KLHDC10: variants seen among roughly 807,000 people sequenced by gnomAD.
The protein encoded by KLHDC10 is kelch domain-containing protein 10.
In KLHDC10, 24 loss-of-function variants were observed where a neutral mutation model predicts 56.1. That is an observed-to-expected ratio of 0.43 (90% CI 0.31 to 0.60). The LOEUF (loss-of-function observed/expected upper bound fraction) is 0.60, where lower values mean the gene tolerates loss of function less well. KLHDC10 is among the 20% of genes least tolerant of loss of function. KLHDC10 has a pLI of 0.11. For synonymous variants in KLHDC10, 188 were observed against 207.1 expected, an observed-to-expected ratio of 0.91 and a Z score of 0.79; for missense variants, 349 against 567.0, an observed-to-expected ratio of 0.62 and a Z score of 3.91.
At chr7:130,074,189 C>T (rs566086174) in intron 1 of KLHDC10, among the ~76,000 whole-genome samples, 1 of 152,300 alleles carries the variant, frequency 6.6e-6, no homozygotes, top group African/African-American at 2.4e-5. Context: ...GCCCCAGGTC[C>T]ATTGCACAAG....
At chr7:130,091,695 T>C (rs1401746074) in intron 1 of KLHDC10, among the ~76,000 whole-genome samples, 1 of 152,198 alleles carries the variant, frequency 6.6e-6, no homozygotes, top group East Asian at 1.9e-4. Flanking sequence ...TTCCTGTTGA[T>C]AGCATCTGAG....
At chr7:130,079,036 A>G (rs896782007) in intron 1 of KLHDC10, among the ~76,000 whole-genome samples, 3 of 151,686 alleles carry the variant, frequency 2.0e-5, no homozygotes, top group Middle Eastern at 3.2e-3. Context: ...GTTTTTTTAA[A>G]GTTTTTGTTT....
Position 130,096,935 on chromosome 7 carries a change from C to G in KLHDC10, c.181C>G (p.Arg61Gly). 1.2e-6 allele frequency: 2 copies of G among 1,610,298 alleles called. No individual in the cohort carries two copies. Among genetic ancestry groups the G allele is most frequent in the Non-Finnish European group, 1.7e-6 (2 of 1,177,360 alleles). The change falls in exon 2 of 10, where the codon CGA (arginine) becomes GGA (glycine). Residue 61 changes from arginine (R) to glycine (G), a missense_variant. Arg to Gly is a moderately radical substitution (Grantham distance 125). Around this residue, in one of 2 missense-constraint regions of KLHDC10, gnomAD observed 104 missense variants for 97.0 expected, o/e 1.07. Transcript: ENST00000335420. The part of the protein sequence containing the change: ...RPHLPGKKKI[R>G]WDPVRRRFIQ... ...TGTGGTAACAGGTAAGAAGAAAATACGATGGGACCCAGTTAGGAGGCGCTT... is the reference window on the plus strand; with the variant it reads ...TGTGGTAACAGGTAAGAAGAAAATAGGATGGGACCCAGTTAGGAGGCGCTT...
intron 1 of KLHDC10, among the ~76,000 whole-genome samples, chr7:130,087,726 A>ACATACAC (rs1353519041): frequency 2.0e-5 from 3 of 152,074 alleles, no homozygotes; most frequent in African/African-American, 7.2e-5. Context: ...TAAAACACAC[A>ACATACAC]CATACACACA....
At chr7:130,122,706 A>G (rs1796264117) in intron 5 of KLHDC10, among the ~76,000 whole-genome samples, 1 of 152,166 alleles carries the variant, frequency 6.6e-6, no homozygotes, top group Admixed American at 6.5e-5. Flanking sequence ...GGCATGTGCC[A>G]CCACGTCTGG....
chr7:130,118,867 A>AT (rs1188907622), intron 3 of KLHDC10, among the ~76,000 whole-genome samples: 2 of 152,284 alleles, frequency 1.3e-5, no homozygotes, highest in East Asian at 3.9e-4. Context: ...TCACTGTTTT[A>AT]TATGGGCGTG....
chr7:130,072,053 A>G (rs976151236), intron 1 of KLHDC10, among the ~76,000 whole-genome samples: 8 of 152,210 alleles, frequency 5.3e-5, no homozygotes, highest in African/African-American at 1.9e-4. Flanking sequence ...TGAGACGTTA[A>G]TATCAGACTG....
At position 130,128,875 on chromosome 7, in the gene KLHDC10, TAAAA is replaced by T. The variant is rs1164826285; in HGVS notation, c.980-550_980-547del. ...GGTAATATAGTGAGACCTTGTCTCT[TAAAA>T]AAAAAAAAAAATATATATATATATA... On this transcript the variant is annotated intron_variant, in intron 8 of 9. Coordinates refer to ENST00000335420, the MANE Select transcript of KLHDC10 (RefSeq NM_014997.4). Among the ~76,000 whole-genome samples the T allele has an allele frequency of 2.1e-4, 9 of 42,330 alleles. 1 individual carries two copies. Among genetic ancestry groups the T allele is most frequent in the African/African-American group, 1.3e-3 (9 of 6,882 alleles). The allele number at this position is 42,330 out of a possible 152,430, so 27.8% of individuals were successfully genotyped here.
At chr7:130,101,288 CA>C (rs768881748) in intron 2 of KLHDC10, among the ~76,000 whole-genome samples, 6 of 152,046 alleles carry the variant, frequency 3.9e-5, no homozygotes, top group Non-Finnish European at 5.9e-5. Flanking sequence ...GTTAGAATGC[CA>C]GAAGTTTTTA....
chr7:130,089,116 T>TA (rs914311980), intron 1 of KLHDC10, among the ~76,000 whole-genome samples: 380 of 148,870 alleles, frequency 2.6e-3, no homozygotes, highest in African/African-American at 7.7e-3. Context: ...CCATGTACAG[T>TA]AAAAAAAAAA....
intron 1 of KLHDC10, among the ~76,000 whole-genome samples, chr7:130,073,733 G>C (rs1481544510): frequency 6.6e-6 from 1 of 152,162 alleles, no homozygotes; most frequent in East Asian, 1.9e-4. Context: ...TCTTCCTGGA[G>C]TGTTCTCATT....
At chr7:130,076,040 G>T (rs560510818) in intron 1 of KLHDC10, among the ~76,000 whole-genome samples, 10 of 152,214 alleles carry the variant, frequency 6.6e-5, no homozygotes, top group African/African-American at 2.4e-4. Flanking sequence ...CATGGACCGG[G>T]ATGGTGGGGT....
intron 8 of KLHDC10, among the ~76,000 whole-genome samples, chr7:130,128,937 T>C (rs1796358075): frequency 7.6e-6 from 1 of 130,770 alleles, no homozygotes; most frequent in African/African-American, 2.9e-5. Flanking sequence ...AGCCAAAACT[T>C]AAAAATCAAA....
chr7:130,110,887 C>A (rs916783463), intron 2 of KLHDC10, among the ~76,000 whole-genome samples: 2 of 151,976 alleles, frequency 1.3e-5, no homozygotes, highest in African/African-American at 4.8e-5. Context: ...ATGTTATGTA[C>A]TACTTTATTT....
rs1796443263 is a variant in KLHDC10 at position 130,134,620 on chromosome 7, T to C, written c.*3874T>C. The C allele has an allele frequency of 7.0e-6, 1 of 142,722 alleles. No individual in the cohort carries two copies. The highest frequency in any genetic ancestry group is 1.6e-5 in the Non-Finnish European group (1 of 63,380). The allele number at this position is 142,722 out of a possible 1,614,324, so 8.8% of individuals were successfully genotyped here. ...TCTAAGACTGTGTTGGTCTTCGTATTCTGTAAAACCCATTTTTTTTTTGTG... is the reference window on the plus strand; with the variant it reads ...TCTAAGACTGTGTTGGTCTTCGTATCCTGTAAAACCCATTTTTTTTTTGTG... On this transcript the variant is annotated 3_prime_UTR_variant, in exon 10 of 10. Transcript: ENST00000335420.
At chr7:130,088,992 A>T (rs1479612008) in intron 1 of KLHDC10, among the ~76,000 whole-genome samples, 4 of 152,128 alleles carry the variant, frequency 2.6e-5, no homozygotes, top group Admixed American at 2.6e-4. Context: ...ATGATACTCA[A>T]TTAAGAAAAA....
rs566212059 is a variant in KLHDC10, at chr7:130,118,563, G to T, written c.475+1897G>T. ...GAGTAGTACTTTTAATTTCCATCAA[G>T]AACTTTTCCTTTGCATTCACAATTC... On this transcript the variant is annotated intron_variant, in intron 3 of 9. Transcript: ENST00000335420. Among the ~76,000 whole-genome samples the T allele has an allele frequency of 3.7e-4, 57 of 152,306 alleles. 1 individual carries two copies. Among genetic ancestry groups the T allele is most frequent in the African/African-American group, 1.2e-3 (50 of 41,574 alleles).
intron 5 of KLHDC10, among the ~76,000 whole-genome samples, chr7:130,122,783 G>A (rs1240214886): frequency 6.6e-6 from 1 of 152,190 alleles, no homozygotes; most frequent in Non-Finnish European, 1.5e-5. Flanking sequence ...CTAGGCTCAA[G>A]TGATCTGCCT....
chr7:130,115,740 A>T (rs1262029437), intron 2 of KLHDC10, among the ~76,000 whole-genome samples: 2 of 141,366 alleles, frequency 1.4e-5, no homozygotes, highest in Non-Finnish European at 3.1e-5. Context: ...AAAAAAGTTG[A>T]TATAATTTAG....
Sources: allele counts gnomAD v4.1 joint callset (sites outside exome capture counted in the v4.1 genomes callset), GRCh38; gene constraint gnomAD v4.1.1; regional missense constraint gnomAD v4.1.1; transcripts MANE v1.5; gene names NCBI Gene and HGNC (gene_info 2026-07-23, HGNC 2026-07-21).